GRIK2: variants seen among roughly 807,000 people sequenced by gnomAD.
The protein encoded by GRIK2 is glutamate ionotropic receptor kainate type subunit 2.
In GRIK2, 32 loss-of-function variants were observed where a neutral mutation model predicts 100.3. That is an observed-to-expected ratio of 0.32 (90% CI 0.24 to 0.43). GRIK2 has a LOEUF of 0.43. Ranked by LOEUF, GRIK2 falls within the 20% of genes least tolerant of loss-of-function variation. GRIK2 has a pLI of 1.00. For synonymous variants in GRIK2, 417 were observed against 389.4 expected (o/e 1.07, Z -0.83); for missense variants, 843 against 1,114.9 (o/e 0.76, Z 3.47).
chr6:101,488,283 C>T lies in GRIK2; in HGVS notation c.115+88891C>T, dbSNP rs532474294. Among the ~76,000 whole-genome samples, 91 of 146,540 alleles carry T rather than the reference C, an allele frequency of 6.2e-4. 9 individuals are homozygous for T. The highest frequency in any genetic ancestry group is 6.8e-4 in the Non-Finnish European group (45 of 66,526). ...TCTCTAGTAGTAGAAGTATAACTTCCATAGTTTATGACTCCCAAAGTCAAT... is the reference window on the plus strand; with the variant it reads ...TCTCTAGTAGTAGAAGTATAACTTCTATAGTTTATGACTCCCAAAGTCAAT... On this transcript the variant is annotated intron_variant, in intron 2 of 16. Coordinates refer to ENST00000369134, the MANE Select transcript of GRIK2 (RefSeq NM_021956.5).
chr6:101,468,813 A>G (rs116734928), intron 2 of GRIK2, among the ~76,000 whole-genome samples: 80 of 152,282 alleles, frequency 5.3e-4, no homozygotes, highest in African/African-American at 1.9e-3. Flanking sequence ...AAACTTCAAT[A>G]TATGTTATAA....
chr6:101,601,282 C>A (rs1164933999), intron 2 of GRIK2, among the ~76,000 whole-genome samples: 1 of 151,712 alleles, frequency 6.6e-6, no homozygotes, highest in Non-Finnish European at 1.5e-5. Context: ...CAGGAATGAA[C>A]CTTACTTGAG....
chr6:102,041,521 T>TGACA (rs1361767869), intron 15 of GRIK2, among the ~76,000 whole-genome samples: 1 of 151,546 alleles, frequency 6.6e-6, no homozygotes, highest in African/African-American at 2.4e-5. Flanking sequence ...GACCCTCATG[T>TGACA]GACAGACATA....
At chr6:101,626,038 T>C (rs1780419337) in intron 3 of GRIK2, among the ~76,000 whole-genome samples, 1 of 152,142 alleles carries the variant, frequency 6.6e-6, no homozygotes, top group Non-Finnish European at 1.5e-5. Context: ...GAAGCTGCAC[T>C]ATTCCCTCAT....
intron 14 of GRIK2, among the ~76,000 whole-genome samples, chr6:102,034,230 T>G (rs1770145527): frequency 6.6e-6 from 1 of 151,396 alleles, no homozygotes; most frequent in African/African-American, 2.4e-5. Context: ...CATAAGGTAC[T>G]TATTTCCATT....
At chr6:101,624,735 G>T (rs1342159670) in intron 3 of GRIK2, among the ~76,000 whole-genome samples, 1 of 151,840 alleles carries the variant, frequency 6.6e-6, no homozygotes, top group Non-Finnish European at 1.5e-5. Flanking sequence ...TTTCAACATG[G>T]TTTACTTTTT....
At chr6:101,575,189 T>C (rs1166475774) in intron 2 of GRIK2, among the ~76,000 whole-genome samples, 1 of 151,872 alleles carries the variant, frequency 6.6e-6, no homozygotes, top group East Asian at 1.9e-4. Context: ...CTCAAAAAAT[T>C]AAGTTCCTCT....
At chr6:101,824,839 G>C (rs1258624933) in intron 10 of GRIK2, among the ~76,000 whole-genome samples, 1 of 151,788 alleles carries the variant, frequency 6.6e-6, no homozygotes, top group Non-Finnish European at 1.5e-5. Context: ...TTGTGTCACA[G>C]CCCACAGATA....
intron 2 of GRIK2, among the ~76,000 whole-genome samples, chr6:101,598,522 T>G (rs1779034061): frequency 6.7e-6 from 1 of 148,826 alleles, no homozygotes. Context: ...TAGAAAAGCA[T>G]GGTGTGGTAG....
At chr6:102,004,310 A>G (rs1401893367) in intron 14 of GRIK2, among the ~76,000 whole-genome samples, 2 of 132,536 alleles carry the variant, frequency 1.5e-5, no homozygotes, top group Non-Finnish European at 3.2e-5. Context: ...TTTTGGAACC[A>G]TTATCTACCT....
chr6:101,584,033 T>C (rs750240499), intron 2 of GRIK2, among the ~76,000 whole-genome samples: 27 of 152,082 alleles, frequency 1.8e-4, no homozygotes, highest in Admixed American at 4.6e-4. Context: ...CTGCAGTTGA[T>C]GTCATGTGCA....
intron 2 of GRIK2, among the ~76,000 whole-genome samples, chr6:101,610,309 T>C (rs1193624776): frequency 1.3e-5 from 2 of 151,704 alleles, no homozygotes; most frequent in Admixed American, 6.6e-5. Flanking sequence ...AATAATACTA[T>C]TAAATTAATT....
chr6:101,713,040 A>G (rs1384208224), intron 7 of GRIK2, among the ~76,000 whole-genome samples: 1 of 151,826 alleles, frequency 6.6e-6, no homozygotes, highest in Non-Finnish European at 1.5e-5. Flanking sequence ...TTCATTTTAC[A>G]ATGTAGACTT....
chr6:101,775,552 A>G (rs1223612293), intron 7 of GRIK2, among the ~76,000 whole-genome samples: 4 of 972 alleles, frequency 4.1e-3, no homozygotes, highest in Non-Finnish European at 6.0e-3. Context: ...TGTGTGTGAG[A>G]TATATATATA....
chr6:101,782,170 T>C (rs9322608), intron 7 of GRIK2, among the ~76,000 whole-genome samples: 62,209 of 152,064 alleles, frequency 0.41, 15,009 homozygotes, highest in East Asian at 0.85. Flanking sequence ...ATATTCACTA[T>C]GTCTAGCATT....
At position 101,743,724 on chromosome 6, in the gene GRIK2, T is replaced by C. The variant is rs146386871; in HGVS notation, c.952-55924T>C. Among the ~76,000 whole-genome samples, 496 of 152,324 alleles carry C rather than the reference T, an allele frequency of 3.3e-3. 4 individuals are homozygous for C. The highest frequency in any genetic ancestry group is 0.01 in the African/African-American group (423 of 41,574). On this transcript the variant is annotated intron_variant, in intron 7 of 16. Transcript: ENST00000369134. The stretch of plus-strand genomic sequence containing the variant: ...TATGTAGTATGTCCTATCACTTCCA[T>C]ATTTTTTCTTACTTTAAAAATAATT...
chr6:101,479,950 T>A (rs1772442672), intron 2 of GRIK2, among the ~76,000 whole-genome samples: 1 of 152,076 alleles, frequency 6.6e-6, no homozygotes, highest in African/African-American at 2.4e-5. Flanking sequence ...GGGAGAAGAG[T>A]GGGACTTGTC....
intron 2 of GRIK2, among the ~76,000 whole-genome samples, chr6:101,490,139 A>G (rs1168095589): frequency 7.0e-6 from 1 of 142,710 alleles, no homozygotes; most frequent in Non-Finnish European, 1.5e-5. Context: ...AATGAAACAT[A>G]GACATACAGA....
intron 7 of GRIK2, among the ~76,000 whole-genome samples, chr6:101,698,647 C>T (rs889902181): frequency 1.3e-5 from 2 of 151,990 alleles, no homozygotes; most frequent in Non-Finnish European, 1.5e-5. Flanking sequence ...CAAATATTTA[C>T]TGAACATCTA....
Sources: gnomAD v4.1 joint callset for allele counts (sites outside exome capture counted in the v4.1 genomes callset) on GRCh38, gnomAD v4.1.1 for gene constraint, MANE v1.5 for transcripts, NCBI Gene and HGNC (gene_info 2026-07-23, HGNC 2026-07-21) for gene names.